Variants in PRDM16 observed in about 807,000 individuals in gnomAD.
The protein encoded by PRDM16 is histone-lysine N-methyltransferase PRDM16.
Under a neutral mutation model 110.6 loss-of-function variants are expected in PRDM16, and 23 were observed. The ratio of observed to expected loss-of-function variants is 0.21; its 90% CI spans 0.15 to 0.29. PRDM16 has a LOEUF of 0.29. Ranked by LOEUF, PRDM16 falls within the 10% of genes least tolerant of loss-of-function variation. The pLI, the probability that PRDM16 is intolerant of heterozygous loss-of-function variation, is 1.00. For synonymous variants in PRDM16, 799 were observed against 781.8 expected (o/e 1.02, Z -0.37); for missense variants, 1,615 against 1,794.3 (o/e 0.90, Z 1.81).
chr1:3,216,484 C>T (rs1410684500), intron 2 of PRDM16, among the ~76,000 whole-genome samples: 1 of 152,232 alleles, frequency 6.6e-6, no homozygotes, highest in African/African-American at 2.4e-5. Context: ...CACACCCAGA[C>T]ACATCCCCAC....
chr1:3,366,311 C>T (rs1165738660), intron 3 of PRDM16, among the ~76,000 whole-genome samples: 2 of 152,246 alleles, frequency 1.3e-5, no homozygotes, highest in African/African-American at 2.4e-5. Flanking sequence ...GACTCCGGGA[C>T]GCGCTGATGT....
intron 3 of PRDM16, among the ~76,000 whole-genome samples, chr1:3,337,200 TGA>T (rs879383520): frequency 6.6e-6 from 1 of 152,274 alleles, no homozygotes; most frequent in Admixed American, 6.5e-5. Context: ...TGTGTTGGTG[TGA>T]GTCTCTGTGT....
chr1:3,384,345 A>G (rs1643159380), intron 3 of PRDM16, among the ~76,000 whole-genome samples: 1 of 152,184 alleles, frequency 6.6e-6, no homozygotes, highest in Non-Finnish European at 1.5e-5. Flanking sequence ...CAGAACCCAG[A>G]GTAGCTACTG....
chr1:3,194,821 T>A (rs1283933038), intron 2 of PRDM16, among the ~76,000 whole-genome samples: 1 of 152,098 alleles, frequency 6.6e-6, no homozygotes, highest in Non-Finnish European at 1.5e-5. Context: ...TGGCCTGCCC[T>A]TTCTCTCCAA....
intron 3 of PRDM16, among the ~76,000 whole-genome samples, chr1:3,366,136 G>A (rs1642810007): frequency 6.6e-6 from 1 of 152,264 alleles, no homozygotes; most frequent in East Asian, 1.9e-4. Flanking sequence ...GCTCAGGGGG[G>A]CTCTAGCGCC....
At chr1:3,355,428 T>C (rs1642575891) in intron 3 of PRDM16, among the ~76,000 whole-genome samples, 1 of 152,160 alleles carries the variant, frequency 6.6e-6, no homozygotes. Context: ...TCCATTTTCC[T>C]GTCTCCCAGG....
intron 8 of PRDM16, among the ~76,000 whole-genome samples, chr1:3,411,105 C>T (rs1044433932): frequency 6.6e-5 from 10 of 152,286 alleles, no homozygotes; most frequent in Middle Eastern, 3.4e-3. Context: ...CACTCAGACA[C>T]GCACGCTTGC....
chr1:3,381,273 C>T (rs1643096883), intron 3 of PRDM16, among the ~76,000 whole-genome samples: 1 of 152,176 alleles, frequency 6.6e-6, no homozygotes, highest in Admixed American at 6.5e-5. Flanking sequence ...GATACATGCA[C>T]GCCTGGATGG....
intron 1 of PRDM16, among the ~76,000 whole-genome samples, chr1:3,124,520 C>CT (rs1220350293): frequency 6.6e-6 from 1 of 152,210 alleles, no homozygotes; most frequent in Non-Finnish European, 1.5e-5. Context: ...GGCAGCGATG[C>CT]TTACCACTAT....
chr1:3,270,770 G>C (rs1317062640), intron 3 of PRDM16, among the ~76,000 whole-genome samples: 1 of 141,086 alleles, frequency 7.1e-6, no homozygotes, highest in East Asian at 2.0e-4. Flanking sequence ...GACAGTCCTG[G>C]AGGAGGACAG....
At position 3,157,891 on chromosome 1, in the gene PRDM16, C is replaced by T. The variant is rs533466957; in HGVS notation, c.38-28234C>T. 1.3e-5 allele frequency among the ~76,000 whole-genome samples: 2 copies of T among 152,224 alleles called. No individual in the cohort carries two copies. The highest frequency in any genetic ancestry group is 2.9e-5 in the Non-Finnish European group (2 of 68,044). On this transcript the variant is annotated intron_variant, in intron 1 of 16. Coordinates refer to ENST00000270722, the MANE Select transcript of PRDM16 (RefSeq NM_022114.4). The surrounding 1 kb of genome is among the most constrained non-coding windows in gnomAD (Gnocchi z 4.8). ...CCCCAGCACCAACTATGCCATCTTC[C>T]TCCCACTTAAACCTCTCTTTTGACA... is the stretch of plus-strand genomic sequence containing the variant.
At chr1:3,414,466 A>T in intron 9 of PRDM16, 94 bp from the exon 10 acceptor site, 1 of 873,034 alleles carries the variant, frequency 1.1e-6, no homozygotes, top group South Asian at 1.5e-5. Flanking sequence ...CTGGCCAGGT[A>T]TATGGTCAGG....
intron 1 of PRDM16, among the ~76,000 whole-genome samples, chr1:3,114,979 C>A (rs1256133138): frequency 6.6e-6 from 1 of 152,252 alleles, no homozygotes; most frequent in Non-Finnish European, 1.5e-5. Context: ...GCCCCTGGGC[C>A]CACCCCACCC....
chr1:3,127,687 C>T (rs1312823576), intron 1 of PRDM16, among the ~76,000 whole-genome samples: 1 of 152,262 alleles, frequency 6.6e-6, no homozygotes, highest in African/African-American at 2.4e-5. Context: ...AGAGGGACCC[C>T]CCTGGGCCAT....
intron 3 of PRDM16, among the ~76,000 whole-genome samples, chr1:3,374,760 G>A (rs1054960414): frequency 3.9e-5 from 6 of 152,226 alleles, no homozygotes; most frequent in African/African-American, 7.2e-5. Context: ...CGTCCCTTCG[G>A]GGGTCCTGAG....
At chr1:3,325,997 C>T (rs1379552222) in intron 3 of PRDM16, among the ~76,000 whole-genome samples, 3 of 143,286 alleles carry the variant, frequency 2.1e-5, no homozygotes, top group East Asian at 2.3e-4. Context: ...CCATCCTTGG[C>T]CCCCCTTGGC....
intron 1 of PRDM16, among the ~76,000 whole-genome samples, chr1:3,169,942 A>G (rs565805648): frequency 6.6e-6 from 1 of 152,402 alleles, no homozygotes; most frequent in East Asian, 1.9e-4. Flanking sequence ...CGCTCCGAGT[A>G]ATCGGGTGAT....
At chr1:3,162,826 C>T (rs1380918103) in intron 1 of PRDM16, among the ~76,000 whole-genome samples, 13 of 149,954 alleles carry the variant, frequency 8.7e-5, no homozygotes, top group Admixed American at 4.6e-4. Context: ...AGGGTCAAAG[C>T]GGCACCTCCG....
chr1:3,428,370 G>C (rs1031132241), intron 14 of PRDM16, among the ~76,000 whole-genome samples: 4 of 152,160 alleles, frequency 2.6e-5, no homozygotes, highest in African/African-American at 9.7e-5. Flanking sequence ...AAAGAGATGT[G>C]GCCGGGCCTC....
Sources: gnomAD v4.1 joint callset for allele counts (sites outside exome capture counted in the v4.1 genomes callset) on GRCh38, gnomAD v4.1.1 for gene constraint, Gnocchi (gnomAD v3.1) non-coding constraint, MANE v1.5 for transcripts, NCBI Gene and HGNC (gene_info 2026-07-23, HGNC 2026-07-21) for gene names.